Variants in ZNF346 observed in about 807,000 individuals in gnomAD.
ZNF346 encodes zinc finger protein 346.
A neutral mutation model predicts 33.7 loss-of-function variants in ZNF346; 23 were observed. The ratio of observed to expected loss-of-function variants is 0.68; its 90% CI spans 0.49 to 0.97. The LOEUF (loss-of-function observed/expected upper bound fraction) is 0.97, where lower values mean the gene tolerates loss of function less well. Ranked by LOEUF, ZNF346 falls within the 50% of genes least tolerant of loss-of-function variation. The pLI, the probability that ZNF346 is intolerant of heterozygous loss-of-function variation, is 0.00. For missense variants in ZNF346, 340 were observed against 371.1 expected (o/e 0.92, Z 0.69); for synonymous variants, 134 against 142.4 (o/e 0.94, Z 0.42).
At position 177,077,885 on chromosome 5, in the gene ZNF346, G is replaced by A. The variant is rs1475192576; in HGVS notation, c.*3-1497G>A. ...TGCCTGGCCAGGCGCGGTGGCTCAC[G>A]CCTGTAATCCCAGCACTTTGGGAGG... On this transcript the variant is annotated intron_variant, in intron 8 of 8. Coordinates refer to the ZNF346 transcript ENST00000503039. The surrounding 1 kb of genome is among the most constrained non-coding windows in gnomAD (Gnocchi z 5.0). Among the ~76,000 whole-genome samples the A allele has an allele frequency of 1.7e-4, 26 of 152,306 alleles. 1 individual carries two copies. In the South Asian group the frequency reaches 2.5e-3, roughly 15 times the overall value.
At chr5:177,051,835 C>G (rs939187233) in intron 5 of ZNF346, 1 of 152,220 alleles carries the variant, frequency 6.6e-6, no homozygotes, top group African/African-American at 2.4e-5. Flanking sequence ...CTGCACCCGG[C>G]CCCTCTGATT....
intron 5 of ZNF346, among the ~76,000 whole-genome samples, chr5:177,055,570 T>G (rs1165349255): frequency 6.6e-6 from 1 of 152,166 alleles, no homozygotes; most frequent in African/African-American, 2.4e-5. Context: ...TTAACATAAA[T>G]TTGGCCTTGT....
chr5:177,027,359 A>G (rs1022601534), intron 1 of ZNF346, among the ~76,000 whole-genome samples: 2 of 151,944 alleles, frequency 1.3e-5, no homozygotes, highest in African/African-American at 4.8e-5. Context: ...GATAAAAGTT[A>G]TTTTCTGACC....
intron 1 of ZNF346, among the ~76,000 whole-genome samples, chr5:177,028,401 A>G (rs984593780): frequency 4.0e-5 from 6 of 149,032 alleles, no homozygotes; most frequent in Admixed American, 2.7e-4. Context: ...TTCTAAGGTA[A>G]GATCTTATGT....
At chr5:177,070,990 G>T (rs1026134472), downstream of ZNF346, among the ~76,000 whole-genome samples, 2 of 152,194 alleles carry the variant, frequency 1.3e-5, no homozygotes, top group African/African-American at 4.8e-5. Flanking sequence ...TCTTAGCCCA[G>T]AGCTAGATGC....
intron 5 of ZNF346, 77 bp downstream of exon 5, chr5:177,051,013 C>T (rs1780788590): frequency 1.7e-6 from 2 of 1,153,482 alleles, no homozygotes; most frequent in East Asian, 2.4e-5. Flanking sequence ...TGACGTTGTG[C>T]TTTTCCTCCT....
intron 4 of ZNF346, among the ~76,000 whole-genome samples, chr5:177,045,651 G>A (rs566207010): frequency 2.0e-5 from 3 of 151,888 alleles, no homozygotes; most frequent in Admixed American, 1.3e-4. Flanking sequence ...CCACCACGCC[G>A]GCCAAAACCT....
intron 1 of ZNF346, among the ~76,000 whole-genome samples, chr5:177,030,091 G>GT (rs1429023584): frequency 1.3e-5 from 2 of 152,032 alleles, no homozygotes; most frequent in East Asian, 1.9e-4. Context: ...GATAAACTGA[G>GT]TTTTTTTTCT....
chr5:177,028,268 G>C (rs35798539), intron 1 of ZNF346, among the ~76,000 whole-genome samples: 1 of 148,734 alleles, frequency 6.7e-6, no homozygotes, highest in Non-Finnish European at 1.5e-5. Context: ...TGAACTCCTC[G>C]AACTCTAAAG....
chr5:177,037,575 C>A (rs1361964601), intron 1 of ZNF346, among the ~76,000 whole-genome samples: 1 of 152,186 alleles, frequency 6.6e-6, no homozygotes, highest in Non-Finnish European at 1.5e-5. Context: ...CTCCCACCCC[C>A]ACATCCAGTC....
chr5:177,074,582 C>A (rs6867614), intron 8 of ZNF346, among the ~76,000 whole-genome samples: 23,093 of 152,164 alleles, frequency 0.15, 3,337 homozygotes, highest in African/African-American at 0.38. Flanking sequence ...CAGGAGTTCA[C>A]ATCCAGCCTG....
intron 5 of ZNF346, among the ~76,000 whole-genome samples, chr5:177,054,521 C>T (rs1348085085): frequency 2.6e-5 from 4 of 152,076 alleles, no homozygotes; most frequent in African/African-American, 7.2e-5. Context: ...GCCTCAGCCT[C>T]CCGTGTAGCT....
chr5:177,062,152 G>C lies in ZNF346; in HGVS notation c.797+1G>C, dbSNP rs1355722867. ...TCAGCGGCTTCAAACACAAGAACCAGTAAGTAACCATTTTTTGAAATTCTA... is the reference window on the plus strand; with the variant it reads ...TCAGCGGCTTCAAACACAAGAACCACTAAGTAACCATTTTTTGAAATTCTA... On this transcript the variant is annotated splice_donor_variant, in intron 6 of 6. Transcript: ENST00000358149. LOFTEE classifies it high-confidence loss of function. 1.2e-6 allele frequency: 2 copies of C among 1,613,438 alleles called. No individual in the cohort carries two copies. The highest frequency in any genetic ancestry group is 2.7e-5 in the African/African-American group (2 of 74,912).
chr5:177,057,077 G>C (rs544695347), intron 5 of ZNF346, among the ~76,000 whole-genome samples: 1 of 152,070 alleles, frequency 6.6e-6, no homozygotes, highest in Non-Finnish European at 1.5e-5. Context: ...TTGGGAGGCC[G>C]AGGCGGGTGG....
intron 1 of ZNF346, among the ~76,000 whole-genome samples, chr5:177,024,155 T>TATAC (rs1554141537): frequency 6.0e-5 from 1 of 16,602 alleles, no homozygotes; most frequent in East Asian, 2.0e-3. Flanking sequence ...GTATTTTATG[T>TATAC]ATACACACAC....
chr5:177,023,960 A>T (rs1015081673), intron 1 of ZNF346, among the ~76,000 whole-genome samples: 5 of 150,984 alleles, frequency 3.3e-5, no homozygotes, highest in Admixed American at 1.3e-4. Flanking sequence ...CCAATTTAAA[A>T]ACAAGTCTAG....
At position 177,066,518 on chromosome 5, in the gene ZNF346, T is replaced by C. The variant is rs1581974136; in HGVS notation, c.*1919T>C. 1.3e-5 allele frequency among the ~76,000 whole-genome samples: 2 copies of C among 152,100 alleles called. No individual in the cohort carries two copies. Among genetic ancestry groups the C allele is most frequent in the Admixed American group, 6.6e-5 (1 of 15,266 alleles). On this transcript the variant is annotated 3_prime_UTR_variant, in exon 7 of 7. Transcript: ENST00000358149. ...TGATAGGTTTGTTCCATGGGACTTA[T>C]CATAGGCCTGGTGATTCTTGAAAGA...
intron 1 of ZNF346, among the ~76,000 whole-genome samples, chr5:177,031,034 T>C (rs549742177): frequency 6.6e-6 from 1 of 151,888 alleles, no homozygotes; most frequent in Non-Finnish European, 1.5e-5. Context: ...GATTCTCTTT[T>C]TTCTGTTTTA....
intron 4 of ZNF346, among the ~76,000 whole-genome samples, chr5:177,047,245 C>G (rs1378605283): frequency 6.6e-6 from 1 of 151,692 alleles, no homozygotes; most frequent in African/African-American, 2.4e-5. Context: ...GACGGGGTTT[C>G]ACTATGTTGC....
Sources: gnomAD v4.1 joint callset for allele counts (sites outside exome capture counted in the v4.1 genomes callset) on GRCh38, gnomAD v4.1.1 for gene constraint, Gnocchi (gnomAD v3.1) non-coding constraint, MANE v1.5 for transcripts, NCBI Gene and HGNC (gene_info 2026-07-23, HGNC 2026-07-21) for gene names.